The following GRM8 variants were observed in gnomAD, a reference collection of about 807,000 sequenced individuals.
GRM8 encodes the protein metabotropic glutamate receptor 8.
A neutral mutation model predicts 87.2 loss-of-function variants in GRM8; 47 were observed. That is an observed-to-expected ratio of 0.54 (90% CI 0.43 to 0.69). The LOEUF is 0.69. Ranked by LOEUF, GRM8 falls within the 30% of genes least tolerant of loss-of-function variation. The pLI, the probability that GRM8 is intolerant of heterozygous loss-of-function variation, is 0.00. For missense variants in GRM8, 1,019 were observed against 1,139.2 expected (o/e 0.89, Z 1.52); for synonymous variants, 396 against 404.5 (o/e 0.98, Z 0.25).
intron 8 of GRM8, 131 bp from the exon 9 acceptor site, chr7:126,534,018 T>C: frequency 1.5e-6 from 1 of 679,606 alleles, no homozygotes; most frequent in Non-Finnish European, 2.4e-6. Context: ...AAGAGTCTCG[T>C]TTTTTTTCCC....
chr7:126,493,912 T>C (rs563416120), intron 9 of GRM8, among the ~76,000 whole-genome samples: 2 of 151,998 alleles, frequency 1.3e-5, no homozygotes, highest in South Asian at 4.1e-4. Flanking sequence ...TTTATGTTTT[T>C]GGGATCAGCT....
chr7:126,483,450 TC>T (rs993248498), intron 9 of GRM8, among the ~76,000 whole-genome samples: 2 of 129,900 alleles, frequency 1.5e-5, no homozygotes, highest in African/African-American at 6.0e-5. Flanking sequence ...CACTATTCTC[TC>T]CCTCCCTCCC....
chr7:126,840,607 T>A (rs926723040), intron 6 of GRM8, among the ~76,000 whole-genome samples: 2 of 152,220 alleles, frequency 1.3e-5, no homozygotes, highest in African/African-American at 2.4e-5. Flanking sequence ...TAAAAGTTAA[T>A]TGTTGACTAT....
At chr7:126,823,658 A>G (rs1794502727) in intron 6 of GRM8, among the ~76,000 whole-genome samples, 2 of 152,246 alleles carry the variant, frequency 1.3e-5, no homozygotes, top group African/African-American at 4.8e-5. Context: ...TGTTATCAAT[A>G]TTAAAAATAT....
chr7:126,704,046 C>T (rs143628803), intron 7 of GRM8, among the ~76,000 whole-genome samples: 85 of 152,252 alleles, frequency 5.6e-4, no homozygotes, highest in African/African-American at 1.1e-3. Flanking sequence ...ACTGTCAGGA[C>T]GTCTACAACC....
chr7:127,080,019 T>C (rs1822684733), intron 3 of GRM8, among the ~76,000 whole-genome samples: 1 of 152,160 alleles, frequency 6.6e-6, no homozygotes, highest in East Asian at 1.9e-4. Flanking sequence ...CCTGTGAATA[T>C]GGTAGGTTAC....
At chr7:127,201,069 C>T (rs1023157609) in intron 2 of GRM8, among the ~76,000 whole-genome samples, 8 of 152,256 alleles carry the variant, frequency 5.3e-5, no homozygotes, top group African/African-American at 1.7e-4. Context: ...TTTATATTTA[C>T]AAAGTTTTTT....
intron 7 of GRM8, among the ~76,000 whole-genome samples, chr7:126,643,290 CAAAAAAAAAAAAAAAA>C (rs1157527693): frequency 2.0e-4 from 4 of 20,128 alleles, no homozygotes; most frequent in Non-Finnish European, 2.7e-4. Flanking sequence ...GAACTTGTCT[CAAAAAAAAAAAAAAAA>C]AAAAAAAAAA....
chr7:126,926,888 A>G (rs1373907177), intron 3 of GRM8, among the ~76,000 whole-genome samples: 3 of 152,320 alleles, frequency 2.0e-5, no homozygotes, highest in Admixed American at 6.5e-5. Context: ...TAATTGGAGC[A>G]TTTATTCCAT....
chr7:126,750,342 A>G (rs1054324757), intron 7 of GRM8, among the ~76,000 whole-genome samples: 2 of 152,142 alleles, frequency 1.3e-5, no homozygotes, highest in Non-Finnish European at 2.9e-5. Context: ...GCAGAGAGAC[A>G]GGAGAGAACA....
At chr7:126,965,535 T>A (rs1381912802) in intron 3 of GRM8, among the ~76,000 whole-genome samples, 2 of 152,114 alleles carry the variant, frequency 1.3e-5, no homozygotes, top group Non-Finnish European at 2.9e-5. Context: ...AGGTTAAAAG[T>A]TTTCATTATT....
At chr7:126,936,798 T>A (rs959705567) in intron 3 of GRM8, among the ~76,000 whole-genome samples, 2 of 152,174 alleles carry the variant, frequency 1.3e-5, no homozygotes, top group Non-Finnish European at 2.9e-5. Flanking sequence ...CGGGGCTTTC[T>A]CTAATCAATG....
chr7:126,835,307 A>G (rs760718707), intron 6 of GRM8, among the ~76,000 whole-genome samples: 1 of 152,202 alleles, frequency 6.6e-6, no homozygotes, highest in Non-Finnish European at 1.5e-5. Flanking sequence ...GCTATGTTTT[A>G]CTAAAAGAAT....
rs575123573 is a variant in GRM8, at chr7:126,626,056, A to G, written c.1358-16558T>C. ...TCCATTATAAAAAGGACTTTGCTTT[A>G]TTAATCATTGTATCTCTAATAGTGA... On this transcript the variant is annotated intron_variant, in intron 7 of 10. Coordinates refer to ENST00000339582, the MANE Select transcript of GRM8 (RefSeq NM_000845.3). Among the ~76,000 whole-genome samples the G allele has an allele frequency of 7.9e-5, 12 of 151,958 alleles. No homozygotes were observed. The South Asian group carries it at 2.5e-3, about 32-fold the overall frequency.
At chr7:126,483,267 T>C (rs1806931872) in intron 9 of GRM8, among the ~76,000 whole-genome samples, 1 of 149,932 alleles carries the variant, frequency 6.7e-6, no homozygotes, top group Non-Finnish European at 1.5e-5. Context: ...TAACCAAAAT[T>C]GAAAAACAAC....
chr7:127,000,301 A>T (rs1813602027), intron 3 of GRM8, among the ~76,000 whole-genome samples: 1 of 151,594 alleles, frequency 6.6e-6, no homozygotes, highest in Admixed American at 6.6e-5. Context: ...GAAAAAAATA[A>T]TTAGAAACAA....
At chr7:126,991,376 C>T (rs886628456) in intron 3 of GRM8, among the ~76,000 whole-genome samples, 1 of 152,196 alleles carries the variant, frequency 6.6e-6, no homozygotes, top group Admixed American at 6.5e-5. Context: ...TCTTTAGCAG[C>T]TTATCTTACA....
At chr7:126,944,324 A>G (rs1260837573) in intron 3 of GRM8, among the ~76,000 whole-genome samples, 1 of 152,168 alleles carries the variant, frequency 6.6e-6, no homozygotes, top group Non-Finnish European at 1.5e-5. Flanking sequence ...CCTGGGCTGC[A>G]TGCGACATCC....
intron 2 of GRM8, among the ~76,000 whole-genome samples, chr7:127,201,504 G>GTGGT (rs1358830876): frequency 6.4e-4 from 98 of 152,240 alleles, no homozygotes; most frequent in Admixed American, 6.3e-3. Flanking sequence ...AATATGTTTG[G>GTGGT]TGGTTGAAAG....
Sources: gnomAD v4.1 joint callset for allele counts (sites outside exome capture counted in the v4.1 genomes callset) on GRCh38, gnomAD v4.1.1 for gene constraint, MANE v1.5 for transcripts, NCBI Gene and HGNC (gene_info 2026-07-23, HGNC 2026-07-21) for gene names.